The following AFM variants were observed in gnomAD, a reference collection of about 807,000 sequenced individuals.
AFM encodes afamin, also known as alpha-Alb.
In AFM, 82 loss-of-function variants were observed where a neutral mutation model predicts 68.7. That is an observed-to-expected ratio of 1.19 (90% CI 1.00 to 1.43). AFM has a LOEUF of 1.43. Among genes scored for constraint, AFM ranks in the 40% most tolerant of loss-of-function variants. The probability of loss-of-function intolerance (pLI) is 0.00; values close to 1 mark genes in which losing one functional copy is unlikely to be tolerated. For synonymous variants in AFM, 250 were observed against 234.2 expected (o/e 1.07, Z -0.61); for missense variants, 772 against 701.8 (o/e 1.10, Z -1.13).
chr4:73,481,871 A>T lies in AFM; in HGVS notation c.88+8A>T, dbSNP rs376388409. The T allele has an allele frequency of 2.6e-6, 4 of 1,539,346 alleles. No individual in the cohort carries two copies. The African/African-American group carries it at 5.5e-5, about 21-fold the overall frequency. On this transcript the variant is annotated splice_region_variant and intron_variant, in intron 1 of 14. Coordinates refer to ENST00000226355, the MANE Select transcript of AFM (RefSeq NM_001133.2). ...CACAACCTCGGGATATAGGTAAGAAATTTACTTGTATATCAGCTAAAGCAT... is the reference window on the plus strand; with the variant it reads ...CACAACCTCGGGATATAGGTAAGAATTTTACTTGTATATCAGCTAAAGCAT...
chr4:73,494,539 G>A (rs566826809), intron 8 of AFM, among the ~76,000 whole-genome samples: 3 of 152,148 alleles, frequency 2.0e-5, no homozygotes, highest in Non-Finnish European at 4.4e-5. Flanking sequence ...CCATTGATAG[G>A]AAGGTGCTTA....
At chr4:73,485,037 G>A (rs1720851741) in intron 3 of AFM, among the ~76,000 whole-genome samples, 1 of 152,192 alleles carries the variant, frequency 6.6e-6, no homozygotes, top group Admixed American at 6.5e-5. Flanking sequence ...TGTATTTGCA[G>A]TATGTATACA....
chr4:73,488,213 C>A (rs1320529337), intron 6 of AFM, among the ~76,000 whole-genome samples: 3 of 152,102 alleles, frequency 2.0e-5, no homozygotes, highest in African/African-American at 4.8e-5. Flanking sequence ...CTAGTGCTCA[C>A]CCTAATCAAT....
chr4:73,492,867 GTTT>G (rs1228681895), intron 8 of AFM, among the ~76,000 whole-genome samples: 1 of 140,412 alleles, frequency 7.1e-6, no homozygotes. Context: ...GGACTTTACT[GTTT>G]TTTTTTTTGT....
At position 73,499,123 on chromosome 4, in the gene AFM, C is replaced by A; in HGVS notation, c.1299C>A (p.Ile433=). The change falls in exon 11 of 15, where the codon ATC becomes ATA. Residue 433 remains isoleucine (I), a synonymous_variant. Transcript: ENST00000226355. ...GKDGLKYHYL[I]RLTKIAPQLS... is the part of the protein sequence containing the mutation. ...ACAAATGTTCTTTCAGTTACCTCAT[C>A]AGGCTCACGAAGATAGCTCCCCAAC... 2 of 1,611,448 alleles carry A rather than the reference C, an allele frequency of 1.2e-6. No homozygotes were observed. The highest frequency in any genetic ancestry group is 1.7e-6 in the Non-Finnish European group (2 of 1,178,896).
intron 9 of AFM, among the ~76,000 whole-genome samples, chr4:73,496,165 A>G (rs1721247824): frequency 6.6e-6 from 1 of 152,232 alleles, no homozygotes; most frequent in South Asian, 2.1e-4. Flanking sequence ...GGCTAACATC[A>G]GGTGTCAGAA....
chr4:73,489,542 T>A (rs1313626277), intron 7 of AFM, among the ~76,000 whole-genome samples: 9 of 152,214 alleles, frequency 5.9e-5, no homozygotes, highest in Non-Finnish European at 1.3e-4. Flanking sequence ...AAGTACTCAA[T>A]ATAGTGGTAT....
At chr4:73,497,345 A>G (rs1300872665) in intron 9 of AFM, among the ~76,000 whole-genome samples, 1 of 152,214 alleles carries the variant, frequency 6.6e-6, no homozygotes, top group African/African-American at 2.4e-5. Context: ...CTTCAAAGTG[A>G]CAACTGAATG....
At chr4:73,503,498 A>T (rs1409397678) in intron 14 of AFM, among the ~76,000 whole-genome samples, 1 of 152,228 alleles carries the variant, frequency 6.6e-6, no homozygotes, top group South Asian at 2.1e-4. Flanking sequence ...GACCTCAGTG[A>T]CCCTTTCCAA....
In AFM at chr4:73,488,683, T is replaced by C; in HGVS notation, c.767T>C (p.Ile256Thr). The change falls in exon 7 of 15, where the codon ATT (isoleucine) becomes ACT (threonine). Residue 256 changes from isoleucine (I) to threonine (T), a missense_variant. By Grantham distance (89) the Ile-to-Thr change is moderately conservative. Coordinates refer to ENST00000226355, the MANE Select transcript of AFM (RefSeq NM_001133.2). Reference protein sequence around the residue: ...KFPKIEFKELISLVEDVSSNY... With the variant: ...KFPKIEFKELTSLVEDVSSNY... ...CCCAAGATTGAATTTAAGGAGCTTATTTCTCTTGTAGAAGATGTTTCTTCC... is the reference window on the plus strand; with the variant it reads ...CCCAAGATTGAATTTAAGGAGCTTACTTCTCTTGTAGAAGATGTTTCTTCC... 1.2e-6 allele frequency: 2 copies of C among 1,613,244 alleles called. No homozygotes were observed. Among genetic ancestry groups the C allele is most frequent in the South Asian group, 1.1e-5 (1 of 90,956 alleles).
rs201440830 is a variant in AFM at position 73,488,766 on chromosome 4, A to G, written c.843+7A>G. On this transcript the variant is annotated splice_region_variant and intron_variant, in intron 7 of 14. Transcript: ENST00000226355. ...GCAGTGCATCCGTGACACGGTGAAT[A>G]TTCTCTAAAACCAAGTTAAAATAGT... is the stretch of plus-strand genomic sequence containing the variant. 6 of 1,604,024 alleles carry G rather than the reference A, an allele frequency of 3.7e-6. No homozygotes were observed. The East Asian group carries it at 1.4e-4, about 36-fold the overall frequency.
At chr4:73,498,095 A>G (rs753787865) in intron 10 of AFM, among the ~76,000 whole-genome samples, 11 of 152,246 alleles carry the variant, frequency 7.2e-5, no homozygotes, top group Admixed American at 2.6e-4. Context: ...TTCTTTGGGG[A>G]AGAGATAGTT....
intron 1 of AFM, 59 bp downstream of exon 1, chr4:73,481,922 TA>T (rs1257359803): frequency 7.9e-7 from 1 of 1,266,308 alleles, no homozygotes; most frequent in Admixed American, 2.4e-5. Context: ...TTTCTATTTT[TA>T]AAATTTTGTT....
rs1721388257 is a variant in AFM, at chr4:73,500,145, C to T, written c.1564C>T (p.Pro522Ser). The T allele has an allele frequency of 1.2e-6, 2 of 1,613,958 alleles. No individual in the cohort carries two copies. The highest frequency in any genetic ancestry group is 4.5e-5 in the East Asian group (2 of 44,854). The change falls in exon 12 of 15, where the codon CCA becomes TCA. Residue 522 changes from proline (P) to serine (S), a missense_variant. Transcript: ENST00000226355. The part of the protein sequence containing the change: ...SLKADKTYVP[P>S]PFSQDLFTFH... ...GAAAGCTGATAAAACATATGTGCCT[C>T]CACCTTTCTCTCAAGATTTATTTAC...
chr4:73,488,396 G>T (rs1720970867), intron 6 of AFM, among the ~76,000 whole-genome samples: 1 of 142,434 alleles, frequency 7.0e-6, no homozygotes, highest in Non-Finnish European at 1.6e-5. Context: ...ACACCTCTCA[G>T]TTTTGTTTTT....
At chr4:73,503,672 T>C (rs1473145552) in intron 14 of AFM, among the ~76,000 whole-genome samples, 2 of 152,160 alleles carry the variant, frequency 1.3e-5, no homozygotes, top group African/African-American at 2.4e-5. Flanking sequence ...ACACAAACTT[T>C]AGCAACAAAA....
rs1721082867 is a variant in AFM, at chr4:73,491,987, A to G, written c.959A>G (p.Asp320Gly). 6.2e-7 allele frequency: 1 copy of G among 1,613,874 alleles called. No homozygotes were observed. Among genetic ancestry groups the G allele is most frequent in the African/African-American group, 1.3e-5 (1 of 74,916 alleles). Residue 320 changes from aspartate to glycine, a missense_variant, in exon 8 of 15, where the codon GAT (aspartate) becomes GGT (glycine). Transcript: ENST00000226355. ...RGQCIINSNK[D>G]DRPKDLSLRE... is the part of the protein sequence containing the mutation. Reference sequence around the variant, plus strand: ...CAGTGCATAATTAACTCAAACAAAGATGATAGACCAAAGGATTTATCTCTA... The same window carrying G: ...CAGTGCATAATTAACTCAAACAAAGGTGATAGACCAAAGGATTTATCTCTA...
Position 73,491,375 on chromosome 4 carries a change from T to C in AFM, c.844-497T>C, listed in dbSNP as rs186119751. Among the ~76,000 whole-genome samples the C allele has an allele frequency of 1.1e-4, 17 of 152,338 alleles. 1 individual carries two copies. The highest frequency in any genetic ancestry group is 2.2e-4 in the Non-Finnish European group (15 of 68,028). Reference sequence around the variant, plus strand: ...GGAATAGCTTCTTATATTTGATGAATCGTCATCTGGTAGTTGCTGTAGTTC... The same window carrying C: ...GGAATAGCTTCTTATATTTGATGAACCGTCATCTGGTAGTTGCTGTAGTTC... On this transcript the variant is annotated intron_variant, in intron 7 of 14. Transcript: ENST00000226355.
chr4:73,498,478 C>T lies in AFM; in HGVS notation c.1290-636C>T, dbSNP rs182956104. Among the ~76,000 whole-genome samples, 19 of 152,098 alleles carry T rather than the reference C, an allele frequency of 1.2e-4. 1 individual carries two copies. In the East Asian group the frequency reaches 1.9e-3, roughly 16 times the overall value. On this transcript the variant is annotated intron_variant, in intron 10 of 14. Coordinates refer to ENST00000226355, the MANE Select transcript of AFM (RefSeq NM_001133.2). ...TGTTTGTATTTTTTGGTAGAGATGG[C>T]GTTTTGCCATGTTGCACAGGCTGGT...
Sources: allele counts gnomAD v4.1 joint callset (sites outside exome capture counted in the v4.1 genomes callset), GRCh38; gene constraint gnomAD v4.1.1; transcripts MANE v1.5; gene names NCBI Gene and HGNC (gene_info 2026-07-23, HGNC 2026-07-21).